The following EPB41L1 variants were observed in gnomAD, a reference collection of about 807,000 sequenced individuals.
The protein encoded by EPB41L1 is band 4.1-like protein 1.
A neutral mutation model predicts 97.8 loss-of-function variants in EPB41L1; 29 were observed. That is an observed-to-expected ratio of 0.30 (90% CI 0.22 to 0.40). EPB41L1 has a LOEUF of 0.40. Ranked by LOEUF, EPB41L1 falls within the 10% of genes least tolerant of loss-of-function variation. The pLI, the probability that EPB41L1 is intolerant of heterozygous loss-of-function variation, is 1.00. For missense variants in EPB41L1, 812 were observed against 1,162.3 expected (o/e 0.70, Z 4.38); for synonymous variants, 383 against 459.2 (o/e 0.83, Z 2.12).
chr20:36,102,813 T>C (rs866085876), intron 1 of EPB41L1, among the ~76,000 whole-genome samples: 1 of 152,298 alleles, frequency 6.6e-6, no homozygotes, highest in Middle Eastern at 3.4e-3. Context: ...CTCACCATAA[T>C]TGAGCAAGGT....
intron 2 of EPB41L1, among the ~76,000 whole-genome samples, chr20:36,147,062 A>G (rs1273678396): frequency 6.6e-6 from 1 of 151,880 alleles, no homozygotes; most frequent in Non-Finnish European, 1.5e-5. Context: ...TAGGAGGATT[A>G]CCTCAGCCCG....
rs1409404112 is a variant in EPB41L1 at position 36,185,151 on chromosome 20, A to G, written c.601A>G (p.Ile201Val). 3 of 1,612,632 alleles carry G rather than the reference A, an allele frequency of 1.9e-6. No homozygotes were observed. The African/African-American group carries it at 4.0e-5, about 22-fold the overall frequency. Residue 201 changes from isoleucine (I) to valine (V), a missense_variant, in exon 7 of 22, where the codon ATC becomes GTC. By Grantham distance (29) the Ile-to-Val change is conservative (BLOSUM62 3). Coordinates refer to ENST00000338074, the MANE Select transcript of EPB41L1 (RefSeq NM_012156.2). ...YLCLQLRADIITGRLPCSFVT... is the reference protein window; with the variant it reads ...YLCLQLRADIVTGRLPCSFVT... ...GTGCCTGCAGCTGCGGGCAGACATC[A>G]TCACGGGCCGGCTGCCATGCTCCTT... is the stretch of plus-strand genomic sequence containing the variant.
At chr20:36,112,761 G>T (rs1294750229) in intron 2 of EPB41L1, among the ~76,000 whole-genome samples, 1 of 152,188 alleles carries the variant, frequency 6.6e-6, no homozygotes, top group East Asian at 1.9e-4. Context: ...ACCGTGGCTG[G>T]TGAAGGACGG....
chr20:36,155,457 C>T (rs2060254808), intron 1 of EPB41L1: 1 of 391,558 alleles, frequency 2.6e-6, no homozygotes, highest in Non-Finnish European at 5.1e-6. Context: ...CAGTGACCGT[C>T]CCCTGATCAG....
chr20:36,113,430 G>GTA (rs1408896391), intron 2 of EPB41L1, among the ~76,000 whole-genome samples: 1 of 119,690 alleles, frequency 8.4e-6, no homozygotes, highest in African/African-American at 2.8e-5. Context: ...GTGTGTGTGT[G>GTA]TGTGTGTGTG....
chr20:36,210,011 G>T, intron 15 of EPB41L1, 113 bp downstream of exon 15: 1 of 1,313,752 alleles, frequency 7.6e-7, no homozygotes, highest in Non-Finnish European at 1.1e-6. Flanking sequence ...GCTCTGTCTC[G>T]TGTTGCATGA....
At chr20:36,131,851 C>A (rs1402663904) in intron 2 of EPB41L1, among the ~76,000 whole-genome samples, 2 of 152,144 alleles carry the variant, frequency 1.3e-5, no homozygotes, top group Non-Finnish European at 2.9e-5. Flanking sequence ...GCGTAGGTGG[C>A]CCTCTGTTCA....
chr20:36,156,997 G>A (rs966459654), intron 1 of EPB41L1, among the ~76,000 whole-genome samples: 11 of 152,214 alleles, frequency 7.2e-5, no homozygotes, highest in Middle Eastern at 3.4e-3. Context: ...AGGACGAGGC[G>A]GGCAGATCAC....
chr20:36,155,533 G>C (rs1309945175), intron 1 of EPB41L1: 6 of 452,838 alleles, frequency 1.3e-5, no homozygotes, highest in Non-Finnish European at 1.8e-5. Context: ...CCAAGGGCCC[G>C]AGAGGCTGGG....
intron 2 of EPB41L1, among the ~76,000 whole-genome samples, chr20:36,120,435 A>G (rs1047305245): frequency 2.6e-5 from 4 of 152,224 alleles, no homozygotes; most frequent in Non-Finnish European, 4.4e-5. Context: ...GAACTTGGCA[A>G]ACCACAGAAG....
At chr20:36,222,513 C>G in intron 21 of EPB41L1, 119 bp downstream of exon 21, 1 of 752,784 alleles carries the variant, frequency 1.3e-6, no homozygotes, top group South Asian at 1.6e-5. Flanking sequence ...TTTGACCCTC[C>G]CCCCATCAGC....
At chr20:36,211,381 AAAAAACAAAACAAAAAC>A (rs1365053688) in intron 15 of EPB41L1, among the ~76,000 whole-genome samples, 1 of 152,068 alleles carries the variant, frequency 6.6e-6, no homozygotes, top group African/African-American at 2.4e-5. Flanking sequence ...ATTCCATCTC[AAAAAACAAAACAAAAAC>A]AAAAACAAAA....
chr20:36,167,862 G>C (rs1397555241), intron 1 of EPB41L1, among the ~76,000 whole-genome samples: 1 of 152,066 alleles, frequency 6.6e-6, no homozygotes, highest in Non-Finnish European at 1.5e-5. Context: ...GAGCAGGCTG[G>C]GGCAGCCCCT....
At chr20:36,173,609 C>A (rs1031679243) in intron 1 of EPB41L1, among the ~76,000 whole-genome samples, 155 bp from the exon 2 acceptor site, 1 of 152,192 alleles carries the variant, frequency 6.6e-6, no homozygotes, top group African/African-American at 2.4e-5. Flanking sequence ...TCCCTCCTCC[C>A]CACTTCCTCT....
In EPB41L1 at chr20:36,093,240, C is replaced by T. The variant is rs1442265266; in HGVS notation, c.-65+1628C>T. On this transcript the variant is annotated intron_variant, in intron 1 of 19. Coordinates refer to the EPB41L1 transcript ENST00000202028. The surrounding 1 kb of genome is among the most constrained non-coding windows in gnomAD (Gnocchi z 5.4). ...GAATGTATCTGTGAGAGGGTGTGTC[C>T]GAATGTGTAGCAGTGTGTACACCTC... Among the ~76,000 whole-genome samples, 1 of 151,756 alleles carries T rather than the reference C, an allele frequency of 6.6e-6. No homozygotes were observed. The highest frequency in any genetic ancestry group is 6.6e-5 in the Admixed American group (1 of 15,240).
chr20:36,178,817 G>A (rs528909340), intron 5 of EPB41L1, 145 bp downstream of exon 5: 16 of 921,554 alleles, frequency 1.7e-5, no homozygotes, highest in Admixed American at 1.7e-5. Context: ...AACACTTTGC[G>A]AGGCTAAGGC....
chr20:36,124,063 A>T (rs1019916359), intron 2 of EPB41L1, among the ~76,000 whole-genome samples: 2 of 152,062 alleles, frequency 1.3e-5, no homozygotes, highest in African/African-American at 4.8e-5. Context: ...CCTGGCTAAC[A>T]TGGTGAAACC....
At chr20:36,210,783 A>ATGAC in intron 15 of EPB41L1, among the ~76,000 whole-genome samples, 1 of 152,314 alleles carries the variant, frequency 6.6e-6, no homozygotes, top group East Asian at 1.9e-4. Flanking sequence ...CAAAGCGGTC[A>ATGAC]GGTCAGTGGC....
chr20:36,104,582 T>C (rs561015250), intron 1 of EPB41L1, among the ~76,000 whole-genome samples: 1 of 152,280 alleles, frequency 6.6e-6, no homozygotes, highest in South Asian at 2.1e-4. Context: ...ACATTGTCCC[T>C]CTCTGCCCAG....
Sources: allele counts gnomAD v4.1 joint callset (sites outside exome capture counted in the v4.1 genomes callset), GRCh38; gene constraint gnomAD v4.1.1; non-coding constraint Gnocchi (gnomAD v3.1); transcripts MANE v1.5; gene names NCBI Gene and HGNC (gene_info 2026-07-23, HGNC 2026-07-21).